PEX5L: variants seen among roughly 807,000 people sequenced by gnomAD.
PEX5L encodes the protein peroxisomal biogenesis factor 5 like.
A neutral mutation model predicts 84.0 loss-of-function variants in PEX5L; 30 were observed. That is an observed-to-expected ratio of 0.36 (90% CI 0.27 to 0.48). PEX5L has a LOEUF of 0.48. Ranked by LOEUF, PEX5L falls within the 20% of genes least tolerant of loss-of-function variation. The pLI is 0.99. For missense variants in PEX5L, 533 were observed against 754.6 expected, an observed-to-expected ratio of 0.71 and a Z score of 3.44; for synonymous variants, 270 against 283.1, an observed-to-expected ratio of 0.95 and a Z score of 0.46.
At chr3:179,962,029 G>A (rs535650670) in intron 2 of PEX5L, among the ~76,000 whole-genome samples, 2 of 152,326 alleles carry the variant, frequency 1.3e-5, no homozygotes, top group South Asian at 4.2e-4. Flanking sequence ...AGATTTCAAA[G>A]TTTACTTTAA....
intron 2 of PEX5L, among the ~76,000 whole-genome samples, chr3:179,934,424 A>C (rs1399629981): frequency 1.3e-5 from 2 of 152,230 alleles, no homozygotes; most frequent in Non-Finnish European, 2.9e-5. Context: ...CCATGCACTA[A>C]GAACCTTCAT....
intron 8 of PEX5L, among the ~76,000 whole-genome samples, chr3:179,837,658 T>C (rs1735455148): frequency 6.6e-6 from 1 of 152,236 alleles, no homozygotes; most frequent in African/African-American, 2.4e-5. Context: ...TAGACTAACT[T>C]GTTCGCACTA....
At chr3:179,953,004 G>T (rs57189487) in intron 2 of PEX5L, among the ~76,000 whole-genome samples, 1 of 152,100 alleles carries the variant, frequency 6.6e-6, no homozygotes, top group Admixed American at 6.6e-5. Flanking sequence ...AATGGGGAAA[G>T]GATTCCCTAT....
At chr3:179,959,261 C>G (rs1186154494) in intron 2 of PEX5L, among the ~76,000 whole-genome samples, 1 of 152,078 alleles carries the variant, frequency 6.6e-6, no homozygotes, top group Non-Finnish European at 1.5e-5. Context: ...ACGTGGAGCA[C>G]TGGAAAACCT....
chr3:179,975,032 A>G (rs6799006), intron 1 of PEX5L, among the ~76,000 whole-genome samples: 26,986 of 151,906 alleles, frequency 0.18, 2,560 homozygotes, highest in Admixed American at 0.25. Context: ...CCTCATCTCT[A>G]TAAAAAATTA....
At chr3:179,906,968 G>A (rs1763443741) in intron 2 of PEX5L, among the ~76,000 whole-genome samples, 1 of 152,142 alleles carries the variant, frequency 6.6e-6, no homozygotes, top group Non-Finnish European at 1.5e-5. Flanking sequence ...GTGAGACATA[G>A]CCTCTTTTGG....
At chr3:179,996,120 T>G (rs1787867812) in intron 1 of PEX5L, among the ~76,000 whole-genome samples, 1 of 152,138 alleles carries the variant, frequency 6.6e-6, no homozygotes, top group Non-Finnish European at 1.5e-5. Context: ...ATGTTGATTC[T>G]CATCAGGAGC....
chr3:179,890,090 T>C (rs1394044784), intron 3 of PEX5L, among the ~76,000 whole-genome samples: 1 of 152,234 alleles, frequency 6.6e-6, no homozygotes, highest in East Asian at 1.9e-4. Context: ...GACCTGTACA[T>C]TGATACATAT....
At chr3:179,873,956 A>G (rs555979998) in intron 7 of PEX5L, among the ~76,000 whole-genome samples, 5 of 152,128 alleles carry the variant, frequency 3.3e-5, no homozygotes, top group Non-Finnish European at 7.3e-5. Flanking sequence ...GGTGTGAATG[A>G]ACACTCAAGA....
chr3:179,860,221 C>A (rs1745542036), intron 7 of PEX5L, among the ~76,000 whole-genome samples: 1 of 152,178 alleles, frequency 6.6e-6, no homozygotes, highest in Non-Finnish European at 1.5e-5. Context: ...CAGCACAGGG[C>A]CAGACAAGGG....
chr3:180,013,693 C>T (rs1789684528), intron 1 of PEX5L, among the ~76,000 whole-genome samples: 1 of 152,096 alleles, frequency 6.6e-6, no homozygotes, highest in Admixed American at 6.5e-5. Flanking sequence ...GACAATTTAG[C>T]TATTGTAATT....
intron 1 of PEX5L, among the ~76,000 whole-genome samples, chr3:179,998,965 G>GC (rs1222130664): frequency 2.6e-5 from 4 of 152,220 alleles, no homozygotes; most frequent in Non-Finnish European, 4.4e-5. Context: ...GTGGACAGCT[G>GC]CAGCACTACA....
At chr3:179,811,955 T>TC in intron 10 of PEX5L, 84 bp from the exon 11 acceptor site, 1 of 1,047,208 alleles carries the variant, frequency 9.5e-7, no homozygotes, top group South Asian at 1.3e-5. Flanking sequence ...CTGTGATGGA[T>TC]CCCCTATGCA....
chr3:179,912,432 A>G (rs1471535659), intron 2 of PEX5L, among the ~76,000 whole-genome samples: 2 of 152,148 alleles, frequency 1.3e-5, no homozygotes, highest in Non-Finnish European at 2.9e-5. Context: ...AGACAGGTTG[A>G]AATTGATACT....
At chr3:179,967,202 G>A (rs111787427) in intron 2 of PEX5L, among the ~76,000 whole-genome samples, 2,780 of 152,238 alleles carry the variant, frequency 0.018, 38 homozygotes, top group Non-Finnish European at 0.025. Context: ...AATGAGCAAT[G>A]GTACAGAGCT....
At chr3:179,857,326 A>C (rs1434287529) in intron 8 of PEX5L, among the ~76,000 whole-genome samples, 1 of 152,208 alleles carries the variant, frequency 6.6e-6, no homozygotes, top group African/African-American at 2.4e-5. Flanking sequence ...ACCAAGCAAA[A>C]CTGCAAGTTG....
At chr3:179,922,532 T>A (rs1474616067) in intron 2 of PEX5L, among the ~76,000 whole-genome samples, 1 of 148,770 alleles carries the variant, frequency 6.7e-6, no homozygotes, top group Non-Finnish European at 1.5e-5. Context: ...CACCGCAACC[T>A]CTGCCTCCTG....
chr3:179,857,240 A>T (rs1030383116), intron 8 of PEX5L, among the ~76,000 whole-genome samples: 1 of 152,160 alleles, frequency 6.6e-6, no homozygotes, highest in Non-Finnish European at 1.5e-5. Context: ...AAGCCAGGAG[A>T]TGTGGCTTGC....
chr3:179,947,004 G>T (rs1016074918), intron 2 of PEX5L, among the ~76,000 whole-genome samples: 1 of 152,148 alleles, frequency 6.6e-6, no homozygotes, highest in Admixed American at 6.5e-5. Flanking sequence ...GCTACAAGGG[G>T]TTTCATAGTA....
Sources: gnomAD v4.1 joint callset for allele counts (sites outside exome capture counted in the v4.1 genomes callset) on GRCh38, gnomAD v4.1.1 for gene constraint, MANE v1.5 for transcripts, NCBI Gene and HGNC (gene_info 2026-07-23, HGNC 2026-07-21) for gene names.